The following ERFL variants were observed in gnomAD, a reference collection of about 807,000 sequenced individuals.
ERFL encodes ETS domain-containing transcription factor ERF-like.
Under a neutral mutation model 27.9 loss-of-function variants are expected in ERFL, and 8 were observed. The ratio of observed to expected loss-of-function variants is 0.29; its 90% CI spans 0.17 to 0.52. ERFL has a LOEUF of 0.52. Ranked by LOEUF, ERFL falls within the 20% of genes least tolerant of loss-of-function variation. The pLI is 0.97. For missense variants in ERFL, 294 were observed against 444.4 expected (o/e 0.66, Z 3.04); for synonymous variants, 174 against 202.8 (o/e 0.86, Z 1.21).
intron 2 of ERFL, among the ~76,000 whole-genome samples, chr19:41,911,492 C>T (rs1350333224): frequency 6.6e-6 from 1 of 152,198 alleles, no homozygotes; most frequent in Non-Finnish European, 1.5e-5. Flanking sequence ...TTTAGAACTG[C>T]ACAGGTGGAA....
intron 2 of ERFL, 104 bp downstream of exon 2, chr19:41,912,749 C>G: frequency 2.4e-6 from 1 of 412,882 alleles, no homozygotes; most frequent in Non-Finnish European, 4.1e-6. Context: ...GAAGGACCCA[C>G]GGACTAGAGT....
intron 1 of ERFL, among the ~76,000 whole-genome samples, chr19:41,913,276 C>G: frequency 6.6e-6 from 1 of 151,070 alleles, no homozygotes; most frequent in East Asian, 2.0e-4. Context: ...CGCCCGCCCG[C>G]CCGCCGCTCG....
chr19:41,909,105 T>C lies in ERFL; in HGVS notation c.571A>G (p.Thr191Ala), dbSNP rs1029291680. Residue 191 changes from threonine to alanine, a missense_variant, in exon 5 of 6, where the codon ACA (threonine) becomes GCA (alanine). Around this residue, in one of 3 missense-constraint regions of ERFL, gnomAD observed 246 missense variants for 371.4 expected, o/e 0.66. Coordinates refer to ENST00000597630, the MANE Select transcript of ERFL (RefSeq NM_001365103.2). The surrounding 1 kb of genome is among the most constrained non-coding windows in gnomAD (Gnocchi z 5.2). ...GARTPLFTSE[T>A]DKLRLDSPFP... ...GGGCTGTCCAGACGCAATTTATCTG[T>C]CTCGGAGGTGAACAGGGGTGTCCGG... is the stretch of plus-strand genomic sequence containing the variant. The C allele has an allele frequency of 3.2e-6, 4 of 1,231,806 alleles. No individual in the cohort carries two copies. Among genetic ancestry groups the C allele is most frequent in the South Asian group, 4.1e-5 (1 of 24,320 alleles). The allele number at this position is 1,231,806 out of a possible 1,614,324, so 76.3% of individuals were successfully genotyped here. A position where few individuals can be genotyped will look rare whatever the true frequency, so the allele number is the denominator to read the frequency against.
chr19:41,918,565 TCA>T (rs1298444699), intron 1 of ERFL, among the ~76,000 whole-genome samples: 1 of 121,378 alleles, frequency 8.2e-6, no homozygotes, highest in Non-Finnish European at 1.7e-5. Context: ...TCACTAACCC[TCA>T]CATACACCAC....
intron 1 of ERFL, among the ~76,000 whole-genome samples, chr19:41,921,000 C>T (rs1324449773): frequency 8.5e-5 from 13 of 152,326 alleles, no homozygotes; most frequent in African/African-American, 2.9e-4. Flanking sequence ...AGTCTCCGCA[C>T]GATGTCCCTG....
chr19:41,910,229 C>T lies in ERFL; in HGVS notation c.68-132G>A, dbSNP rs2074744445. 3 of 892,652 alleles carry T rather than the reference C, an allele frequency of 3.4e-6. No homozygotes were observed. The highest frequency in any genetic ancestry group is 2.8e-5 in the Admixed American group (1 of 35,492). The allele number at this position is 892,652 out of a possible 1,614,324, so 55.3% of individuals were successfully genotyped here. On this transcript the variant is annotated intron_variant, in intron 2 of 5. Transcript: ENST00000597630. The surrounding 1 kb of genome is among the most constrained non-coding windows in gnomAD (Gnocchi z 4.4). ...CAGGCATCTTTAGGGACCTGGTTTC[C>T]ACACTCCAAACCTCCTCCCTTTGTG...
rs76332474 is a variant in ERFL, at chr19:41,918,391, T to C, written c.-13-5459A>G. On this transcript the variant is annotated intron_variant, in intron 1 of 5. Coordinates refer to ENST00000597630, the MANE Select transcript of ERFL (RefSeq NM_001365103.2). Reference sequence around the variant, plus strand: ...CCACACACACCACACATACACCACATACACATACCATATCACACACACCAC... The same window carrying C: ...CCACACACACCACACATACACCACACACACATACCATATCACACACACCAC... Among the ~76,000 whole-genome samples, 668 of 130,548 alleles carry C rather than the reference T, an allele frequency of 5.1e-3. 6 individuals are homozygous for C. Among genetic ancestry groups the C allele is most frequent in the African/African-American group, 0.019 (628 of 33,630 alleles). 85.6% of individuals were successfully genotyped at this position (130,548 alleles called of 152,430 possible).
chr19:41,915,703 ATGTCTC>A (rs2074796611), intron 1 of ERFL, among the ~76,000 whole-genome samples: 1 of 148,852 alleles, frequency 6.7e-6, no homozygotes, highest in Admixed American at 6.7e-5. Flanking sequence ...CCATGTCTCT[ATGTCTC>A]TGTCTCTGTT....
chr19:41,909,936 C>T lies in ERFL; in HGVS notation c.229G>A (p.Glu77Lys), dbSNP rs1555851109. Residue 77 changes from glutamate to lysine, a missense_variant, in exon 3 of 6, where the codon GAG becomes AAG. Transcript: ENST00000597630. The surrounding 1 kb of genome is among the most constrained non-coding windows in gnomAD (Gnocchi z 5.2). ...CGAATACCCCACAGCCGGGCCACCT[C>T]ATCGGGGTCTTTGATGACGAATTCC... is the stretch of plus-strand genomic sequence containing the variant. ...YGEFVIKDPD[E>K]VARLWGIRKC... 1 of 1,613,846 alleles carries T rather than the reference C, an allele frequency of 6.2e-7. No individual in the cohort carries two copies. Among genetic ancestry groups the T allele is most frequent in the Non-Finnish European group, 8.5e-7 (1 of 1,179,978 alleles).
At position 41,917,994 on chromosome 19, in the gene ERFL, T is replaced by G. The variant is rs1417126863; in HGVS notation, c.-13-5062A>C. On this transcript the variant is annotated intron_variant, in intron 1 of 5. Transcript: ENST00000597630. This position sits in a 1 kb window ranked among gnomAD's most constrained non-coding sequence, Gnocchi z 4.8. ...ACGTCCATGTGTACACAGAGCAGGC[T>G]CAGGGGCCGGCCCTCGACAGGCACC... is the stretch of plus-strand genomic sequence containing the variant. Among the ~76,000 whole-genome samples the G allele has an allele frequency of 6.6e-6, 1 of 151,630 alleles. No individual in the cohort carries two copies. The highest frequency in any genetic ancestry group is 1.9e-4 in the East Asian group (1 of 5,146).
intron 2 of ERFL, among the ~76,000 whole-genome samples, chr19:41,911,979 C>T (rs1003737806): frequency 6.6e-6 from 1 of 151,990 alleles, no homozygotes; most frequent in Non-Finnish European, 1.5e-5. Context: ...TGCATCCCCC[C>T]CACAGCCCCA....
Position 41,908,154 on chromosome 19 carries a change from T to G in ERFL, c.*74A>C, listed in dbSNP as rs868919627. ...GGTGCTGAGGGCTGGTCCTGGGCCTTGGGCCAGGCATCAAGGGCAGACGGG... is the reference window on the plus strand; with the variant it reads ...GGTGCTGAGGGCTGGTCCTGGGCCTGGGGCCAGGCATCAAGGGCAGACGGG... On this transcript the variant is annotated 3_prime_UTR_variant, in exon 6 of 6. Coordinates refer to ENST00000597630, the MANE Select transcript of ERFL (RefSeq NM_001365103.2). This position sits in a 1 kb window ranked among gnomAD's most constrained non-coding sequence, Gnocchi z 6.7. The G allele has an allele frequency of 1.9e-5, 22 of 1,164,016 alleles. No individual in the cohort carries two copies. Among genetic ancestry groups the G allele is most frequent in the Middle Eastern group, 3.2e-4 (1 of 3,110 alleles). The allele number at this position is 1,164,016 out of a possible 1,614,324, so 72.1% of individuals were successfully genotyped here.
intron 1 of ERFL, among the ~76,000 whole-genome samples, chr19:41,920,092 TCA>T (rs1555852315): frequency 2.0e-5 from 2 of 99,820 alleles, no homozygotes; most frequent in East Asian, 2.7e-4. Flanking sequence ...CATGACACGC[TCA>T]CAGACATACA....
chr19:41,908,678 T>TG lies in ERFL; in HGVS notation c.617-3dup. 5 of 1,230,260 alleles carry TG rather than the reference T, an allele frequency of 4.1e-6. No individual in the cohort carries two copies. The highest frequency in any genetic ancestry group is 5.1e-6 in the Non-Finnish European group (5 of 987,012). 76.2% of individuals were successfully genotyped at this position (1,230,260 alleles called of 1,614,324 possible). ...GGGGCTTGGAATAGCTGGTGGCACCTGGGGGGCACAGGGGTAGGTCAGGCT... is the reference window on the plus strand; with the variant it reads ...GGGGCTTGGAATAGCTGGTGGCACCTGGGGGGGCACAGGGGTAGGTCAGGCT... On this transcript the variant is annotated splice_polypyrimidine_tract_variant and splice_region_variant and intron_variant, in intron 5 of 5. Coordinates refer to ENST00000597630, the MANE Select transcript of ERFL (RefSeq NM_001365103.2). The surrounding 1 kb of genome is among the most constrained non-coding windows in gnomAD (Gnocchi z 6.7).
At chr19:41,926,708 G>A (rs1311128576) in intron 1 of ERFL, among the ~76,000 whole-genome samples, 4 of 152,036 alleles carry the variant, frequency 2.6e-5, no homozygotes, top group Non-Finnish European at 5.9e-5. Flanking sequence ...CGCGGCGGCC[G>A]GCCGGGAGGG....
chr19:41,919,966 A>G (rs2074828544), intron 1 of ERFL, among the ~76,000 whole-genome samples: 1 of 143,298 alleles, frequency 7.0e-6, no homozygotes, highest in South Asian at 2.6e-4. Flanking sequence ...GAACTCACAG[A>G]CATGACACGC....
At chr19:41,918,767 AC>A (rs1222853627) in intron 1 of ERFL, among the ~76,000 whole-genome samples, 1 of 148,676 alleles carries the variant, frequency 6.7e-6, no homozygotes, top group African/African-American at 2.5e-5. Context: ...ATATACATCT[AC>A]CACACACATA....
chr19:41,912,999 G>T, intron 1 of ERFL, 67 bp from the exon 2 acceptor site: 1 of 716,596 alleles, frequency 1.4e-6, no homozygotes, highest in Non-Finnish European at 1.9e-6. Context: ...GTCAGCCAGC[G>T]GGGCGCTGCC....
Position 41,909,476 on chromosome 19 carries a change from G to T in ERFL, c.303-5C>A, listed in dbSNP as rs2074740700. 1.6e-6 allele frequency: 2 copies of T among 1,246,756 alleles called. No homozygotes were observed. Among genetic ancestry groups the T allele is most frequent in the Admixed American group, 4.1e-5 (1 of 24,554 alleles). The allele number at this position is 1,246,756 out of a possible 1,614,324, so 77.2% of individuals were successfully genotyped here. On this transcript the variant is annotated splice_polypyrimidine_tract_variant and splice_region_variant and intron_variant, in intron 3 of 5. Coordinates refer to ENST00000597630, the MANE Select transcript of ERFL (RefSeq NM_001365103.2). The surrounding 1 kb of genome is among the most constrained non-coding windows in gnomAD (Gnocchi z 5.2). Reference sequence around the variant, plus strand: ...ATCCGCTTGTTGTAGTAGTAACTGTGGGGAGAGTGGTGGTGTTGGGGAGGT... The same window carrying T: ...ATCCGCTTGTTGTAGTAGTAACTGTTGGGAGAGTGGTGGTGTTGGGGAGGT...
Sources: gnomAD v4.1 joint callset for allele counts (sites outside exome capture counted in the v4.1 genomes callset) on GRCh38, gnomAD v4.1.1 for gene constraint, gnomAD v4.1.1 regional missense constraint, Gnocchi (gnomAD v3.1) non-coding constraint, MANE v1.5 for transcripts, NCBI Gene and HGNC (gene_info 2026-07-23, HGNC 2026-07-21) for gene names.